The following CLVS1 variants were observed in gnomAD, a reference collection of about 807,000 sequenced individuals.
CLVS1 encodes the protein clavesin 1.
In CLVS1, 10 loss-of-function variants were observed where a neutral mutation model predicts 33.1. That is an observed-to-expected ratio of 0.30 (90% CI 0.19 to 0.51). The LOEUF is 0.51. Among genes scored for constraint, CLVS1 ranks in the 20% least tolerant of loss-of-function variants. The pLI is 0.97. For synonymous variants in CLVS1, 163 were observed against 166.1 expected, an observed-to-expected ratio of 0.98 and a Z score of 0.14; for missense variants, 343 against 433.4, an observed-to-expected ratio of 0.79 and a Z score of 1.85.
intron 2 of CLVS1, among the ~76,000 whole-genome samples, chr8:61,240,408 C>A (rs998938593): frequency 1.3e-5 from 2 of 152,216 alleles, no homozygotes; most frequent in Non-Finnish European, 2.9e-5. Flanking sequence ...AGGGCTTCCT[C>A]CTTCCTGTGA....
intron 5 of CLVS1, among the ~76,000 whole-genome samples, chr8:61,484,117 A>G (rs1046138654): frequency 6.6e-6 from 1 of 152,332 alleles, no homozygotes; most frequent in African/African-American, 2.4e-5. Context: ...AGAAAGAAAT[A>G]TAGGGTATTA....
At chr8:61,279,743 T>C (rs921999859) in intron 2 of CLVS1, among the ~76,000 whole-genome samples, 1 of 152,232 alleles carries the variant, frequency 6.6e-6, no homozygotes, top group Non-Finnish European at 1.5e-5. Flanking sequence ...GGCTTAATAA[T>C]TATTTATGAA....
At chr8:61,400,174 T>A (rs1814693165) in intron 3 of CLVS1, among the ~76,000 whole-genome samples, 1 of 152,224 alleles carries the variant, frequency 6.6e-6, no homozygotes, top group Non-Finnish European at 1.5e-5. Flanking sequence ...GAGCATGGAA[T>A]GTTTTTCCAT....
At chr8:61,154,637 AG>A (rs1264289036) in intron 2 of CLVS1, among the ~76,000 whole-genome samples, 1 of 152,228 alleles carries the variant, frequency 6.6e-6, no homozygotes, top group Non-Finnish European at 1.5e-5. Context: ...AGGATTAATT[AG>A]CTCTGTAGCC....
intron 2 of CLVS1, among the ~76,000 whole-genome samples, chr8:61,274,595 C>T (rs774989361): frequency 3.3e-5 from 5 of 152,116 alleles, no homozygotes; most frequent in Non-Finnish European, 7.4e-5. Context: ...TTCATCAAAT[C>T]AGGAAAATTG....
intron 2 of CLVS1, among the ~76,000 whole-genome samples, chr8:61,272,510 C>T (rs1809463593): frequency 1.3e-5 from 2 of 152,006 alleles, no homozygotes; most frequent in African/African-American, 4.8e-5. Flanking sequence ...TTGTGGTGTT[C>T]TCTGTATTTC....
intron 3 of CLVS1, among the ~76,000 whole-genome samples, chr8:61,404,673 T>C (rs1814911908): frequency 6.6e-6 from 1 of 152,108 alleles, no homozygotes; most frequent in Non-Finnish European, 1.5e-5. Flanking sequence ...AGGAATAAAT[T>C]AAAGAGAGGG....
At chr8:61,218,477 A>G (rs1808138424) in intron 2 of CLVS1, among the ~76,000 whole-genome samples, 1 of 152,144 alleles carries the variant, frequency 6.6e-6, no homozygotes, top group Non-Finnish European at 1.5e-5. Flanking sequence ...TAAAAAGTAG[A>G]ACAGAATATA....
intron 3 of CLVS1, among the ~76,000 whole-genome samples, chr8:61,382,256 C>A (rs1350998476): frequency 1.3e-5 from 2 of 152,180 alleles, no homozygotes; most frequent in East Asian, 3.8e-4. Context: ...TTCAAGTTAG[C>A]AATATTAATA....
intron 2 of CLVS1, among the ~76,000 whole-genome samples, chr8:61,280,778 G>A (rs901655144): frequency 1.3e-5 from 2 of 152,064 alleles, no homozygotes; most frequent in Non-Finnish European, 2.9e-5. Flanking sequence ...CCTCATAAGT[G>A]ATCATTAATT....
chr8:61,065,500 G>A (rs1804661041), intron 1 of CLVS1, among the ~76,000 whole-genome samples: 1 of 152,196 alleles, frequency 6.6e-6, no homozygotes, highest in Admixed American at 6.5e-5. Context: ...TCTGAATTGA[G>A]TCAGGAGCAG....
At chr8:61,439,336 G>T (rs1345401510) in intron 3 of CLVS1, among the ~76,000 whole-genome samples, 1 of 152,202 alleles carries the variant, frequency 6.6e-6, no homozygotes, top group Non-Finnish European at 1.5e-5. Flanking sequence ...AATGTATTTG[G>T]TATTTAATAG....
At chr8:61,452,004 AG>A (rs1207358749) in intron 3 of CLVS1, among the ~76,000 whole-genome samples, 3 of 152,234 alleles carry the variant, frequency 2.0e-5, no homozygotes, top group Non-Finnish European at 4.4e-5. Flanking sequence ...TTCTAGACAC[AG>A]GGTTCACATG....
chr8:61,208,839 G>A (rs1274544760), intron 2 of CLVS1, among the ~76,000 whole-genome samples: 1 of 152,172 alleles, frequency 6.6e-6, no homozygotes, highest in Non-Finnish European at 1.5e-5. Context: ...GCCCACCTCG[G>A]CCTCCCAAAG....
intron 3 of CLVS1, among the ~76,000 whole-genome samples, chr8:61,397,505 G>A (rs1438469629): frequency 6.6e-6 from 1 of 151,956 alleles, no homozygotes; most frequent in East Asian, 1.9e-4. Context: ...AATCTCTTAA[G>A]GCATAAAGGT....
chr8:61,043,435 C>T, the CLVS1 span, among the ~76,000 whole-genome samples: 1 of 152,140 alleles, frequency 6.6e-6, no homozygotes, highest in South Asian at 2.1e-4. Context: ...TCTGACAAAA[C>T]CAGATGGATC....
At chr8:61,465,539 A>T (rs879458999) in intron 5 of CLVS1, 3 of 152,182 alleles carry the variant, frequency 2.0e-5, no homozygotes, top group Admixed American at 1.3e-4. Flanking sequence ...AATTATTTCA[A>T]TATTGTTCTG....
chr8:61,199,131 G>A (rs766213931), intron 2 of CLVS1, among the ~76,000 whole-genome samples: 1 of 152,092 alleles, frequency 6.6e-6, no homozygotes, highest in Non-Finnish European at 1.5e-5. Context: ...TTAGTTCTTT[G>A]AGAAATCTTC....
At chr8:61,166,792 C>T (rs1806874871) in intron 2 of CLVS1, among the ~76,000 whole-genome samples, 1 of 151,718 alleles carries the variant, frequency 6.6e-6, no homozygotes, top group South Asian at 2.1e-4. Flanking sequence ...CCAGCTAAAA[C>T]CTGGTAATAA....
Sources: gnomAD v4.1 joint callset for allele counts (sites outside exome capture counted in the v4.1 genomes callset) on GRCh38, gnomAD v4.1.1 for gene constraint, MANE v1.5 for transcripts, NCBI Gene and HGNC (gene_info 2026-07-23, HGNC 2026-07-21) for gene names.